The following KCNC4 variants were observed in gnomAD, a reference collection of about 807,000 sequenced individuals.
KCNC4 encodes potassium voltage-gated channel subfamily C member 4, also known as voltage-gated potassium channel KCNC4.
A neutral mutation model predicts 42.8 loss-of-function variants in KCNC4; 23 were observed. The ratio of observed to expected loss-of-function variants is 0.54; its 90% CI spans 0.39 to 0.76. KCNC4 has a LOEUF of 0.76. Ranked by LOEUF, KCNC4 falls within the 30% of genes least tolerant of loss-of-function variation. The pLI is 0.00. For missense variants in KCNC4, 751 were observed against 898.2 expected (o/e 0.84, Z 2.10); for synonymous variants, 422 against 393.5 (o/e 1.07, Z -0.86).
chr1:110,263,357 T>C lies in KCNC4; in HGVS notation n.31-19177T>C, dbSNP rs201206761. On this transcript the variant is annotated intron_variant and non_coding_transcript_variant, in intron 1 of 2. Coordinates refer to the KCNC4 transcript ENST00000412512. ...ATGAGAATTTAAGGGTTTTTTTTTT[T>C]CCCACATCTGCTGAGGAAACATGTC... Among the ~76,000 whole-genome samples the C allele has an allele frequency of 7.7e-3, 1,134 of 146,400 alleles. 17 individuals carry two copies. The highest frequency in any genetic ancestry group is 0.027 in the African/African-American group (1,052 of 39,432).
At chr1:110,232,673 C>T (rs1658756518) in intron 3 of KCNC4, 2 of 1,469,718 alleles carry the variant, frequency 1.4e-6, no homozygotes, top group Non-Finnish European at 1.8e-6. Context: ...CACCCCATTC[C>T]CTGACCCATC....
At position 110,211,094 on chromosome 1, in the gene KCNC4, G is replaced by C. The variant is rs2100972332; in HGVS notation, c.-406G>C. Among the ~76,000 whole-genome samples the C allele has an allele frequency of 6.6e-6, 1 of 152,390 alleles. No homozygotes were observed. The highest frequency in any genetic ancestry group is 1.9e-4 in the East Asian group (1 of 5,188). ...TGGAGCCGGAGGGTGGCCCGTGTGA[G>C]CGCGAGCGCCCCGGACCTTCGCGGT... On this transcript the variant is annotated 5_prime_UTR_variant, in exon 1 of 4. Transcript: ENST00000438661. This position sits in a 1 kb window ranked among gnomAD's most constrained non-coding sequence, Gnocchi z 6.5.
chr1:110,223,039 A>G lies in KCNC4; in HGVS notation c.754A>G (p.Asn252Asp). ...CTGCCTGGAGACCCATGAGGCCTTT[A>G]ATATCGACCGCAACGTGACAGAGAT... is the stretch of plus-strand genomic sequence containing the variant. ...TFCLETHEAF[N>D]IDRNVTEILR... is the part of the protein sequence containing the mutation. The change falls in exon 2 of 4, where the codon AAT (asparagine) becomes GAT (aspartate). Residue 252 changes from asparagine to aspartate, a missense_variant. Transcript: ENST00000438661. This position sits in a 1 kb window ranked among gnomAD's most constrained non-coding sequence, Gnocchi z 7.5. 1.9e-6 allele frequency: 3 copies of G among 1,614,008 alleles called. No homozygotes were observed. The highest frequency in any genetic ancestry group is 2.5e-6 in the Non-Finnish European group (3 of 1,179,988).
intron 1 of KCNC4, among the ~76,000 whole-genome samples, chr1:110,276,231 G>A (rs1659721986): frequency 1.5e-5 from 2 of 134,806 alleles, no homozygotes; most frequent in African/African-American, 5.7e-5. Flanking sequence ...TACACTAAAA[G>A]CCCAGACTTC....
downstream of KCNC4, among the ~76,000 whole-genome samples, chr1:110,249,583 C>A (rs959342472): frequency 1.3e-5 from 2 of 152,178 alleles, no homozygotes; most frequent in South Asian, 4.1e-4. Flanking sequence ...AATCCCCCCT[C>A]TGGGAGTCTT....
chr1:110,236,388 G>A (rs1188560975), downstream of KCNC4: 1 of 152,224 alleles, frequency 6.6e-6, no homozygotes, highest in African/African-American at 2.4e-5. Flanking sequence ...GCCACTCTCT[G>A]AACTGAGTGG....
intron 3 of KCNC4, among the ~76,000 whole-genome samples, chr1:110,231,841 A>C (rs1204416613): frequency 1.3e-5 from 2 of 152,012 alleles, no homozygotes; most frequent in African/African-American, 4.8e-5. Flanking sequence ...AAGAAGATGG[A>C]AACAGCATCA....
chr1:110,232,680 C>T (rs556687196), intron 3 of KCNC4: 2 of 1,473,678 alleles, frequency 1.4e-6, no homozygotes, highest in African/African-American at 2.8e-5. Context: ...TTCCCTGACC[C>T]ATCCATGCTC....
chr1:110,256,032 G>A (rs1042753970), intron 1 of KCNC4, among the ~76,000 whole-genome samples: 7 of 152,340 alleles, frequency 4.6e-5, no homozygotes, highest in South Asian at 2.1e-4. Context: ...CACAAGCTCT[G>A]CAGGAGGCTG....
intron 1 of KCNC4, among the ~76,000 whole-genome samples, chr1:110,281,385 A>G (rs1464925151): frequency 6.6e-6 from 1 of 152,000 alleles, no homozygotes; most frequent in Non-Finnish European, 1.5e-5. Context: ...GAAATCTGAA[A>G]TCTTACTACC....
chr1:110,221,407 C>T (rs1658090958), intron 1 of KCNC4: 1 of 152,230 alleles, frequency 6.6e-6, no homozygotes, highest in African/African-American at 2.4e-5. Context: ...GAAGCATATA[C>T]AGAGTGCTTA....
At chr1:110,244,670 G>A (rs1258897682) in exon 4 of KCNC4, 3 of 152,280 alleles carry the variant, frequency 2.0e-5, no homozygotes, top group Non-Finnish European at 2.9e-5. Context: ...GAAGGTAACT[G>A]GAGCCAAGTG....
intron 1 of KCNC4, among the ~76,000 whole-genome samples, chr1:110,278,731 G>A (rs12140832): frequency 0.24 from 36,055 of 151,804 alleles, 5,087 homozygotes; most frequent in Non-Finnish European, 0.32. Context: ...CAGACCCAGG[G>A]CCATCTGCTG....
intron 2 of KCNC4, chr1:110,224,126 A>AG (rs1658268171): frequency 1.8e-6 from 1 of 558,934 alleles, no homozygotes; most frequent in Admixed American, 3.2e-5. Flanking sequence ...TATTCCACCC[A>AG]GGGTAGGGTG....
intron 3 of KCNC4, among the ~76,000 whole-genome samples, chr1:110,229,946 C>T (rs1017783152): frequency 6.6e-6 from 1 of 152,226 alleles, no homozygotes; most frequent in Non-Finnish European, 1.5e-5. Flanking sequence ...AGGTCCAGAT[C>T]TGCTCCTTCC....
At chr1:110,266,889 T>C (rs1334572406) in intron 1 of KCNC4, among the ~76,000 whole-genome samples, 1 of 151,088 alleles carries the variant, frequency 6.6e-6, no homozygotes, top group East Asian at 2.0e-4. Context: ...CCCCTTCTGA[T>C]GTCTCCTTCT....
chr1:110,275,154 C>T (rs1233515714), intron 1 of KCNC4, among the ~76,000 whole-genome samples: 2 of 151,600 alleles, frequency 1.3e-5, no homozygotes, highest in East Asian at 3.9e-4. Context: ...ACTCAAACAA[C>T]AACAAAAGCA....
chr1:110,226,173 G>A lies in KCNC4; in HGVS notation c.1814G>A (p.Arg605Gln), dbSNP rs566567590. Residue 605 changes from arginine to glutamine, a missense_variant, in exon 3 of 4, where the codon CGG becomes CAG. Physicochemically the swap from Arg to Gln is conservative, Grantham distance 43. Coordinates refer to ENST00000438661, the MANE Select transcript of KCNC4 (RefSeq NM_001039574.3). The stretch of plus-strand genomic sequence containing the variant: ...TATGCCTGCGCCGATGGTAGTGTCC[G>A]GAAAGGTATGGCTTCCCAAGCTGGA... ...GDYACADGSV[R>Q]KETCQDALSS... 6.6e-5 allele frequency: 107 copies of A among 1,613,988 alleles called. 1 individual carries two copies. The South Asian group carries it at 8.0e-4, about 12-fold the overall frequency.
At chr1:110,282,123 C>T (rs895662929) in intron 1 of KCNC4, among the ~76,000 whole-genome samples, 16 of 152,360 alleles carry the variant, frequency 1.1e-4, no homozygotes, top group Middle Eastern at 6.8e-3. Flanking sequence ...CATTCTCATA[C>T]TCAGTGCCAC....
Sources: allele counts gnomAD v4.1 joint callset (sites outside exome capture counted in the v4.1 genomes callset), GRCh38; gene constraint gnomAD v4.1.1; non-coding constraint Gnocchi (gnomAD v3.1); transcripts MANE v1.5; gene names NCBI Gene and HGNC (gene_info 2026-07-23, HGNC 2026-07-21).